Variants in SLC24A2 observed in about 807,000 individuals in gnomAD.
The protein encoded by SLC24A2 is solute carrier family 24 member 2, also known as sodium/potassium/calcium exchanger 2.
SLC24A2 carries 36 observed loss-of-function variants against 62.0 expected under a neutral mutation model. The ratio of observed to expected loss-of-function variants is 0.58; its 90% CI spans 0.44 to 0.77. The LOEUF is 0.77. Among genes scored for constraint, SLC24A2 ranks in the 30% least tolerant of loss-of-function variants. The pLI is 0.00. For synonymous variants in SLC24A2, 358 were observed against 294.0 expected, an observed-to-expected ratio of 1.22 and a Z score of -2.23; for missense variants, 846 against 817.9, an observed-to-expected ratio of 1.03 and a Z score of -0.42.
chr9:19,583,920 C>A (rs1371103173), intron 5 of SLC24A2, among the ~76,000 whole-genome samples: 3 of 151,976 alleles, frequency 2.0e-5, no homozygotes, highest in Non-Finnish European at 4.4e-5. Context: ...ATTAAGCTGC[C>A]CCTCATTCAT....
intron 2 of SLC24A2, among the ~76,000 whole-genome samples, chr9:19,636,327 C>CTTTCTTTCTTTCTTTCTTTCTTTG (rs1818337424): frequency 1.4e-4 from 3 of 20,738 alleles, no homozygotes; most frequent in Admixed American, 4.7e-4. Context: ...TTCTTTCTTT[C>CTTTCTTTCTTTCTTTCTTTCTTTG]TTTCTTTCTT....
chr9:19,738,455 T>G (rs998391896), intron 2 of SLC24A2, among the ~76,000 whole-genome samples: 1 of 152,066 alleles, frequency 6.6e-6, no homozygotes, highest in Non-Finnish European at 1.5e-5. Flanking sequence ...GTGGGTGGAT[T>G]TGTGATATGT....
chr9:20,024,794 G>T, the SLC24A2 span, among the ~76,000 whole-genome samples: 1 of 152,138 alleles, frequency 6.6e-6, no homozygotes, highest in Non-Finnish European at 1.5e-5. Context: ...CATAGAAGAG[G>T]ACTAGTCCCA....
the SLC24A2 span, among the ~76,000 whole-genome samples, chr9:20,187,576 T>C: frequency 0.14 from 21,782 of 152,108 alleles, 1,856 homozygotes; most frequent in African/African-American, 0.24. Flanking sequence ...TCTCCAAATC[T>C]CTTTGTTCAT....
chr9:19,829,114 T>C, the SLC24A2 span, among the ~76,000 whole-genome samples: 1 of 152,140 alleles, frequency 6.6e-6, no homozygotes, highest in African/African-American at 2.4e-5. Context: ...CTTATCAAAT[T>C]CCCATCATGG....
At chr9:19,884,814 A>G in the SLC24A2 span, among the ~76,000 whole-genome samples, 1 of 152,322 alleles carries the variant, frequency 6.6e-6, no homozygotes, top group East Asian at 1.9e-4. Flanking sequence ...GCCCAACAGT[A>G]GGCTAATGTA....
At chr9:20,067,301 T>G in the SLC24A2 span, among the ~76,000 whole-genome samples, 1 of 152,192 alleles carries the variant, frequency 6.6e-6, no homozygotes, top group African/African-American at 2.4e-5. Flanking sequence ...CATCAAACAC[T>G]AGTGACAGGA....
chr9:19,603,510 G>GA (rs1357316076), intron 4 of SLC24A2, among the ~76,000 whole-genome samples: 7 of 151,678 alleles, frequency 4.6e-5, no homozygotes, highest in African/African-American at 1.7e-4. Flanking sequence ...GGAGGGAGGG[G>GA]GGCACTAAGG....
the SLC24A2 span, among the ~76,000 whole-genome samples, chr9:19,818,658 A>G: frequency 1.3e-5 from 2 of 152,130 alleles, no homozygotes; most frequent in African/African-American, 4.8e-5. Flanking sequence ...AAAGACCTCT[A>G]CAAGGAAAAC....
the SLC24A2 span, among the ~76,000 whole-genome samples, chr9:20,140,280 CAG>C: frequency 1.3e-5 from 2 of 152,172 alleles, no homozygotes; most frequent in African/African-American, 2.4e-5. Flanking sequence ...GATCTGTACA[CAG>C]AGAGAGTGGA....
At chr9:19,907,582 C>A in the SLC24A2 span, among the ~76,000 whole-genome samples, 3 of 152,138 alleles carry the variant, frequency 2.0e-5, no homozygotes, top group Admixed American at 6.5e-5. Context: ...AAAACCCCAT[C>A]GTCTCAGCCC....
At chr9:19,560,454 C>T (rs1470854513) in intron 7 of SLC24A2, among the ~76,000 whole-genome samples, 1 of 151,984 alleles carries the variant, frequency 6.6e-6, no homozygotes, top group African/African-American at 2.4e-5. Flanking sequence ...AAGGCTTGTG[C>T]TCTCTCTCTG....
intron 10 of SLC24A2, among the ~76,000 whole-genome samples, chr9:19,518,548 A>ATAATTTTT (rs1833046773): frequency 6.6e-6 from 1 of 151,186 alleles, no homozygotes; most frequent in Non-Finnish European, 1.5e-5. Flanking sequence ...CAGCTTCCCG[A>ATAATTTTT]GTAGCTGGGA....
intron 5 of SLC24A2, among the ~76,000 whole-genome samples, chr9:19,588,256 A>G (rs560261772): frequency 6.8e-6 from 1 of 147,828 alleles, no homozygotes; most frequent in Non-Finnish European, 1.5e-5. Context: ...TCCTCTGGTT[A>G]TGAAAGTTTG....
the SLC24A2 span, among the ~76,000 whole-genome samples, chr9:20,030,131 G>A: frequency 6.6e-6 from 1 of 152,304 alleles, no homozygotes; most frequent in African/African-American, 2.4e-5. Flanking sequence ...AGCACCACAG[G>A]CAGGACTGAG....
At chr9:20,163,982 C>G in the SLC24A2 span, among the ~76,000 whole-genome samples, 6 of 152,088 alleles carry the variant, frequency 3.9e-5, no homozygotes, top group African/African-American at 9.7e-5. Flanking sequence ...AAAATTAATT[C>G]AAGATGGATT....
At chr9:20,062,038 C>A in the SLC24A2 span, among the ~76,000 whole-genome samples, 2 of 152,094 alleles carry the variant, frequency 1.3e-5, no homozygotes, top group African/African-American at 2.4e-5. Context: ...GAGTTCAACA[C>A]CAGCCTGGGA....
At chr9:19,853,737 C>T in the SLC24A2 span, among the ~76,000 whole-genome samples, 5,230 of 152,078 alleles carry the variant, frequency 0.034, 329 homozygotes, top group African/African-American at 0.12. Context: ...ATTTTTGCAC[C>T]GATGTTCATC....
the SLC24A2 span, among the ~76,000 whole-genome samples, chr9:20,098,764 A>G: frequency 2.4e-4 from 37 of 152,222 alleles, no homozygotes; most frequent in Non-Finnish European, 5.4e-4. Flanking sequence ...TTTGTAAAAC[A>G]CAGGACGAAG....
Sources: allele counts gnomAD v4.1 joint callset (sites outside exome capture counted in the v4.1 genomes callset), GRCh38; gene constraint gnomAD v4.1.1; transcripts MANE v1.5; gene names NCBI Gene and HGNC (gene_info 2026-07-23, HGNC 2026-07-21).